ZBTB16: variants seen among roughly 807,000 people sequenced by gnomAD.
ZBTB16 encodes the protein zinc finger and BTB domain containing 16.
A neutral mutation model predicts 56.8 loss-of-function variants in ZBTB16; 8 were observed. The ratio of observed to expected loss-of-function variants is 0.14; its 90% confidence interval spans 0.08 to 0.25. The LOEUF is 0.25. Ranked by LOEUF, ZBTB16 falls within the 10% of genes least tolerant of loss-of-function variation. The pLI, the probability that ZBTB16 is intolerant of heterozygous loss-of-function variation, is 1.00. For synonymous variants in ZBTB16, 363 were observed against 368.5 expected (o/e 0.98, Z 0.17); for missense variants, 625 against 903.0 (o/e 0.69, Z 3.95).
At chr11:114,196,198 C>T (rs1943604407) in intron 4 of ZBTB16, among the ~76,000 whole-genome samples, 2 of 152,162 alleles carry the variant, frequency 1.3e-5, no homozygotes, top group Admixed American at 1.3e-4. Context: ...GTACCAGCCT[C>T]CAGGAGCACC....
intron 4 of ZBTB16, among the ~76,000 whole-genome samples, chr11:114,223,091 T>C (rs1000614256): frequency 6.6e-6 from 1 of 152,208 alleles, no homozygotes; most frequent in African/African-American, 2.4e-5. Flanking sequence ...TAGGTGCTCG[T>C]TGGCTGCAAT....
chr11:114,127,738 C>T (rs1001948053), intron 2 of ZBTB16, among the ~76,000 whole-genome samples: 1 of 152,170 alleles, frequency 6.6e-6, no homozygotes, highest in Non-Finnish European at 1.5e-5. Context: ...TACTGCATTG[C>T]TGGTGAAGCC....
intron 4 of ZBTB16, among the ~76,000 whole-genome samples, chr11:114,201,862 A>G (rs1943744075): frequency 6.6e-6 from 1 of 152,246 alleles, no homozygotes; most frequent in African/African-American, 2.4e-5. Flanking sequence ...TTACAAGCAC[A>G]TATCACTTAC....
At chr11:114,156,526 G>T (rs1942416039) in intron 3 of ZBTB16, 92 bp downstream of exon 3, 1 of 1,205,804 alleles carries the variant, frequency 8.3e-7, no homozygotes, top group Admixed American at 1.8e-5. Flanking sequence ...TGGCCTGCAT[G>T]TCCCCACTGC....
At chr11:114,117,533 T>C (rs1402235241) in intron 2 of ZBTB16, among the ~76,000 whole-genome samples, 1 of 149,888 alleles carries the variant, frequency 6.7e-6, no homozygotes, top group African/African-American at 2.5e-5. Flanking sequence ...GTCATGTTGA[T>C]TGGGGGTGAA....
intron 2 of ZBTB16, among the ~76,000 whole-genome samples, chr11:114,112,550 C>T (rs563313517): frequency 2.6e-5 from 4 of 152,176 alleles, no homozygotes; most frequent in African/African-American, 4.8e-5. Context: ...AGTTGGCTGT[C>T]GTCAAAACAC....
intron 4 of ZBTB16, among the ~76,000 whole-genome samples, chr11:114,221,070 C>G (rs7930358): frequency 0.011 from 1,683 of 152,290 alleles, 25 homozygotes; most frequent in African/African-American, 0.038. Context: ...GTGGAAGAGC[C>G]TACCCACTCC....
chr11:114,192,683 A>G (rs1050473102), intron 4 of ZBTB16, among the ~76,000 whole-genome samples: 1 of 152,174 alleles, frequency 6.6e-6, no homozygotes, highest in Non-Finnish European at 1.5e-5. Context: ...TTATAGAGAA[A>G]GTGACCTGGC....
At chr11:114,236,443 A>G (rs1311964428) in intron 4 of ZBTB16, among the ~76,000 whole-genome samples, 1 of 152,148 alleles carries the variant, frequency 6.6e-6, no homozygotes, top group Non-Finnish European at 1.5e-5. Flanking sequence ...TGATCCTTCT[A>G]TGGTCTGGGT....
At chr11:114,165,565 C>T (rs551867098) in intron 3 of ZBTB16, among the ~76,000 whole-genome samples, 2 of 152,294 alleles carry the variant, frequency 1.3e-5, no homozygotes, top group East Asian at 3.9e-4. Context: ...AGTGTTTGTA[C>T]TACTAGGGCA....
intron 4 of ZBTB16, among the ~76,000 whole-genome samples, chr11:114,221,980 A>C (rs891563984): frequency 6.6e-6 from 1 of 152,196 alleles, no homozygotes; most frequent in Non-Finnish European, 1.5e-5. Flanking sequence ...CAGAGTGTCC[A>C]TGATCATGCA....
chr11:114,069,117 G>A (rs769806580), intron 2 of ZBTB16, among the ~76,000 whole-genome samples: 15 of 152,044 alleles, frequency 9.9e-5, no homozygotes, highest in Non-Finnish European at 1.5e-4. Flanking sequence ...ATGGAGTCTC[G>A]CTCTGTCTCC....
chr11:114,156,227 T>A, intron 2 of ZBTB16, 110 bp from the exon 3 acceptor site: 1 of 1,058,808 alleles, frequency 9.4e-7, no homozygotes, highest in Non-Finnish European at 1.4e-6. Flanking sequence ...TCCTGTTCCC[T>A]TCCGCCTGTC....
rs1944555216 is a variant in ZBTB16 at position 114,235,653 on chromosome 11, T to TCTTC, written c.1454-6511_1454-6510insCCTT. ...TCCTTTCTTTCTTTCTTTCTTTCTT[T>TCTTC]CTTTCTTTCTTTCTTTCTTTCTTTC... On this transcript the variant is annotated intron_variant, in intron 4 of 6. Transcript: ENST00000335953. Among the ~76,000 whole-genome samples, 5 of 23,108 alleles carry TCTTC rather than the reference T, an allele frequency of 2.2e-4. No homozygotes were observed. In the South Asian group the frequency reaches 0.011, roughly 50 times the overall value. The allele number at this position is 23,108 out of a possible 152,430, so 15.2% of individuals were successfully genotyped here. A position where few individuals can be genotyped will look rare whatever the true frequency, so the allele number is the denominator to read the frequency against.
At chr11:114,187,118 C>A in intron 4 of ZBTB16, 80 bp downstream of exon 4, 6 of 1,377,418 alleles carry the variant, frequency 4.4e-6, no homozygotes, top group Non-Finnish European at 6.2e-6. Flanking sequence ...GGGTGGCAAC[C>A]TCTTTTTAGC....
chr11:114,240,091 T>A (rs639686), intron 4 of ZBTB16, among the ~76,000 whole-genome samples: 142,128 of 152,292 alleles, frequency 0.93, 66,408 homozygotes, highest in East Asian at 0.99. Context: ...AGCAAAATCC[T>A]GTGCTGGCTG....
chr11:114,099,017 T>C (rs1419647383), intron 2 of ZBTB16, among the ~76,000 whole-genome samples: 1 of 152,166 alleles, frequency 6.6e-6, no homozygotes, highest in East Asian at 1.9e-4. Flanking sequence ...GTAAATTACA[T>C]ATTAAAGTAG....
intron 2 of ZBTB16, among the ~76,000 whole-genome samples, chr11:114,115,341 CTTTT>C (rs35873921): frequency 7.1e-5 from 9 of 127,514 alleles, no homozygotes; most frequent in Non-Finnish European, 1.1e-4. Context: ...CTCCTTCCTC[CTTTT>C]TTTTTTTTTT....
Position 114,173,595 on chromosome 11 carries a change from C to T in ZBTB16, c.1367-13357C>T, listed in dbSNP as rs1250185665. Among the ~76,000 whole-genome samples the T allele has an allele frequency of 3.3e-5, 5 of 152,300 alleles. No homozygotes were observed. In the South Asian group the frequency reaches 6.2e-4, roughly 19 times the overall value. On this transcript the variant is annotated intron_variant, in intron 3 of 6. Coordinates refer to ENST00000335953, the MANE Select transcript of ZBTB16 (RefSeq NM_006006.6). ...CTCAGCCCCAAGATAATTGAATTTA[C>T]CTGCTGTTCTGGGAGAAGGAGTCCA...
Sources: allele counts gnomAD v4.1 joint callset (sites outside exome capture counted in the v4.1 genomes callset), GRCh38; gene constraint gnomAD v4.1.1; transcripts MANE v1.5; gene names NCBI Gene and HGNC (gene_info 2026-07-23, HGNC 2026-07-21).